DNAAF1: variants seen among roughly 807,000 people sequenced by gnomAD.
The protein encoded by DNAAF1 is dynein axonemal assembly factor 1.
DNAAF1 carries 65 observed loss-of-function variants against 71.1 expected under a neutral mutation model. The observed-to-expected ratio is 0.91, with a 90% confidence interval of 0.75 to 1.12. DNAAF1 has a LOEUF of 1.12. Among genes scored for constraint, DNAAF1 ranks in the 50% most tolerant of loss-of-function variants. The probability of loss-of-function intolerance (pLI) is 0.00; values close to 1 mark genes in which losing one functional copy is unlikely to be tolerated. For missense variants in DNAAF1, 1,178 were observed against 899.8 expected (o/e 1.31, Z -3.96); for synonymous variants, 414 against 354.6 (o/e 1.17, Z -1.88).
chr16:84,149,276 G>C, intron 2 of DNAAF1, 134 bp downstream of exon 2: 1 of 1,165,792 alleles, frequency 8.6e-7, no homozygotes, highest in Non-Finnish European at 1.3e-6. Flanking sequence ...ATGGAGTGAG[G>C]ATGGCACTGC....
intron 6 of DNAAF1, among the ~76,000 whole-genome samples, chr16:84,165,193 G>T (rs2087911769): frequency 6.6e-6 from 1 of 151,970 alleles, no homozygotes; most frequent in African/African-American, 2.4e-5. Flanking sequence ...TTTTCTCCCA[G>T]TCTGTAGCCT....
chr16:84,155,198 A>G (rs189472122), intron 4 of DNAAF1, among the ~76,000 whole-genome samples: 192 of 151,340 alleles, frequency 1.3e-3, no homozygotes, highest in South Asian at 2.7e-3. Flanking sequence ...GTGAGCCACC[A>G]TGCCCAGCCA....
Position 84,150,231 on chromosome 16 carries a change from A to G in DNAAF1, c.261-20A>G, listed in dbSNP as rs2087120807. The G allele has an allele frequency of 1.9e-6, 3 of 1,579,062 alleles. No individual in the cohort carries two copies. The highest frequency in any genetic ancestry group is 2.6e-6 in the Non-Finnish European group (3 of 1,148,122). ...CTGACAATTTGCAATAAGCTTATTC[A>G]TATTTTTCCATTTTAACAGAATGAC... On this transcript the variant is annotated intron_variant, in intron 2 of 11. Coordinates refer to ENST00000378553, the MANE Select transcript of DNAAF1 (RefSeq NM_178452.6).
At position 84,145,341 on chromosome 16, in the gene DNAAF1, G is replaced by A. The variant is rs886052364; in HGVS notation, c.-100G>A. 83 of 1,528,022 alleles carry A rather than the reference G, an allele frequency of 5.4e-5. No individual in the cohort carries two copies. The Admixed American group carries it at 6.5e-4, about 12-fold the overall frequency. The allele number at this position is 1,528,022 out of a possible 1,614,324, so 94.7% of individuals were successfully genotyped here. ...TAGGGCGCCAGCGGCTGGCGAAGAA[G>A]GAAAGAGGGTACTCTCTGGCTGGGC... On this transcript the variant is annotated 5_prime_UTR_variant, in exon 1 of 12. Transcript: ENST00000378553.
At position 84,155,726 on chromosome 16, in the gene DNAAF1, A is replaced by G. The variant is rs1321986865; in HGVS notation, c.718A>G (p.Ile240Val). 7 of 1,614,164 alleles carry G rather than the reference A, an allele frequency of 4.3e-6. No homozygotes were observed. The East Asian group carries it at 1.3e-4, about 31-fold the overall frequency. ...GCTGAGTGACCCGGAGATCCTGAGC[A>G]TTCTGGAAAGCATGCCCGATTTGGT... ...NKLSDPEILS[I>V]LESMPDLRVL... Residue 240 changes from isoleucine (I) to valine (V), a missense_variant, in exon 5 of 12, where the codon ATT becomes GTT. Coordinates refer to ENST00000378553, the MANE Select transcript of DNAAF1 (RefSeq NM_178452.6).
At chr16:84,175,849 AAAAAGCAG>A (rs2088621115) in intron 10 of DNAAF1, 76 bp from the exon 11 acceptor site, 1 of 1,527,258 alleles carries the variant, frequency 6.5e-7, no homozygotes, top group African/African-American at 1.4e-5. Context: ...ACATTGGGTG[AAAAAGCAG>A]AACTGGCATG....
At chr16:84,163,873 T>G (rs35166045) in intron 6 of DNAAF1, among the ~76,000 whole-genome samples, 52,234 of 149,328 alleles carry the variant, frequency 0.35, 9,962 homozygotes, top group Non-Finnish European at 0.43. Flanking sequence ...TTTTTTTTTT[T>G]GTGGGGGACA....
Position 84,169,979 on chromosome 16 carries a change from A to C in DNAAF1, c.1151A>C (p.Glu384Ala). 1 of 1,614,078 alleles carries C rather than the reference A, an allele frequency of 6.2e-7. No homozygotes were observed. Among genetic ancestry groups the C allele is most frequent in the Non-Finnish European group, 8.5e-7 (1 of 1,180,046 alleles). Residue 384 changes from glutamate to alanine, a missense_variant, in exon 8 of 12, where the codon GAG becomes GCG. By Grantham distance (107) the Glu-to-Ala change is moderately radical (BLOSUM62 -1). Coordinates refer to ENST00000378553, the MANE Select transcript of DNAAF1 (RefSeq NM_178452.6). ...KMELFVKESF[E>A]AKDELCPEKP... ...GAGCTATTTGTTAAGGAAAGCTTTGAGGCCAAGGACGAGCTCTGCCCGGAA... is the reference window on the plus strand; with the variant it reads ...GAGCTATTTGTTAAGGAAAGCTTTGCGGCCAAGGACGAGCTCTGCCCGGAA...
chr16:84,161,238 A>T (rs996972734), intron 6 of DNAAF1, among the ~76,000 whole-genome samples: 1 of 152,182 alleles, frequency 6.6e-6, no homozygotes, highest in South Asian at 2.1e-4. Context: ...CTGGGCTCCT[A>T]GGAGTGAACC....
At chr16:84,168,183 C>T (rs189947294) in intron 7 of DNAAF1, among the ~76,000 whole-genome samples, 21 of 152,290 alleles carry the variant, frequency 1.4e-4, no homozygotes, top group Non-Finnish European at 1.5e-5. Context: ...TCCTAGAGGC[C>T]GCCTGCGTTC....
chr16:84,157,467 C>G (rs945164566), intron 5 of DNAAF1, among the ~76,000 whole-genome samples: 1 of 145,334 alleles, frequency 6.9e-6, no homozygotes, highest in Non-Finnish European at 1.5e-5. Flanking sequence ...TGCAGTGAGC[C>G]GAGATCTCAC....
intron 3 of DNAAF1, among the ~76,000 whole-genome samples, chr16:84,152,172 C>G (rs1172267957): frequency 6.6e-6 from 1 of 152,008 alleles, no homozygotes; most frequent in Non-Finnish European, 1.5e-5. Flanking sequence ...ATGGTGGGAT[C>G]CAGGGGAGAG....
chr16:84,171,057 G>C (rs1194199696), intron 8 of DNAAF1, among the ~76,000 whole-genome samples: 1 of 152,108 alleles, frequency 6.6e-6, no homozygotes, highest in East Asian at 1.9e-4. Context: ...CTGGTGAAAG[G>C]TAGGCCATTC....
intron 9 of DNAAF1, chr16:84,172,727 T>A: frequency 8.5e-7 from 1 of 1,174,966 alleles, no homozygotes; most frequent in Non-Finnish European, 1.1e-6. Flanking sequence ...CTTATCCAAA[T>A]TCGTGGTGAG....
chr16:84,163,870 T>G (rs941325438), intron 6 of DNAAF1, among the ~76,000 whole-genome samples: 5 of 148,826 alleles, frequency 3.4e-5, no homozygotes, highest in Non-Finnish European at 7.4e-5. Context: ...TTTTTTTTTT[T>G]TTTGTGGGGG....
chr16:84,167,661 C>T (rs970746676), intron 7 of DNAAF1, among the ~76,000 whole-genome samples: 7 of 152,194 alleles, frequency 4.6e-5, no homozygotes, highest in Non-Finnish European at 7.3e-5. Context: ...TTTCAGAGAT[C>T]TATGTATCTT....
chr16:84,150,123 A>G, intron 2 of DNAAF1, 128 bp from the exon 3 acceptor site: 2 of 693,030 alleles, frequency 2.9e-6, no homozygotes, highest in Non-Finnish European at 5.2e-6. Flanking sequence ...GACGAACTTA[A>G]AATAGGTATC....
chr16:84,173,248 G>C, intron 9 of DNAAF1: 3 of 904,724 alleles, frequency 3.3e-6, no homozygotes, highest in Non-Finnish European at 4.0e-6. Flanking sequence ...TGGATCACGA[G>C]GTCAGGAGAT....
chr16:84,164,109 C>G (rs887799372), intron 6 of DNAAF1, among the ~76,000 whole-genome samples: 3 of 152,178 alleles, frequency 2.0e-5, no homozygotes, highest in Admixed American at 2.0e-4. Flanking sequence ...CTGGCCTAGA[C>G]TTTATTTTCA....
Sources: allele counts gnomAD v4.1 joint callset (sites outside exome capture counted in the v4.1 genomes callset), GRCh38; gene constraint gnomAD v4.1.1; transcripts MANE v1.5; gene names NCBI Gene and HGNC (gene_info 2026-07-23, HGNC 2026-07-21).